NOD1: variants seen among roughly 807,000 people sequenced by gnomAD.
NOD1 encodes the protein nucleotide binding oligomerization domain containing 1, also known as nucleotide-binding oligomerization domain-containing protein 1.
Under a neutral mutation model 81.2 loss-of-function variants are expected in NOD1, and 70 were observed. The ratio of observed to expected loss-of-function variants is 0.86; its 90% CI spans 0.71 to 1.05. The LOEUF is 1.05. Ranked by LOEUF, NOD1 falls within the 50% of genes least tolerant of loss-of-function variation. NOD1 has a pLI of 0.00. For missense variants in NOD1, 1,233 were observed against 1,228.0 expected (o/e 1.00, Z -0.06); for synonymous variants, 508 against 526.9 (o/e 0.96, Z 0.49).
chr7:30,453,117 A>C, intron 5 of NOD1, 77 bp from the exon 6 acceptor site: 4 of 1,490,936 alleles, frequency 2.7e-6, no homozygotes, highest in South Asian at 1.3e-5. Context: ...GGAGGTCTCA[A>C]AGAGGAGAGG....
At chr7:30,453,324 C>T (rs1396236659) in intron 5 of NOD1, among the ~76,000 whole-genome samples, 1 of 152,104 alleles carries the variant, frequency 6.6e-6, no homozygotes, top group Non-Finnish European at 1.5e-5. Flanking sequence ...GACAGGCCAC[C>T]CTTATTCCTC....
intron 12 of NOD1, among the ~76,000 whole-genome samples, chr7:30,430,754 GCA>G (rs1391742240): frequency 2.0e-5 from 3 of 152,198 alleles, no homozygotes; most frequent in Non-Finnish European, 4.4e-5. Context: ...AGGGTATTAG[GCA>G]CAGTGTCCAG....
Position 30,452,179 on chromosome 7 carries a change from T to C in NOD1, c.1238A>G (p.Gln413Arg), listed in dbSNP as rs779311315. ...HFRAAFEGSP[Q>R]LPDCTMTLTD... is the part of the protein sequence containing the mutation. Reference sequence around the variant, plus strand: ...CAGGGTCATCGTGCAGTCGGGCAGCTGTGGTGAGCCTTCAAAGGCAGCACG... The same window carrying C: ...CAGGGTCATCGTGCAGTCGGGCAGCCGTGGTGAGCCTTCAAAGGCAGCACG... The change falls in exon 6 of 14, where the codon CAG (glutamine) becomes CGG (arginine). Residue 413 changes from glutamine to arginine, a missense_variant. Gln to Arg is a conservative substitution (Grantham distance 43). Transcript: ENST00000222823. The C allele has an allele frequency of 3.1e-6, 5 of 1,613,984 alleles. No homozygotes were observed. The South Asian group carries it at 3.3e-5, about 11-fold the overall frequency.
At chr7:30,468,029 G>T (rs961957241) in intron 1 of NOD1, among the ~76,000 whole-genome samples, 4 of 151,994 alleles carry the variant, frequency 2.6e-5, no homozygotes, top group Admixed American at 2.6e-4. Context: ...TTAGTAGAAG[G>T]CCATCAACTT....
At chr7:30,428,998 A>G (rs956095265) in intron 13 of NOD1, among the ~76,000 whole-genome samples, 3 of 152,224 alleles carry the variant, frequency 2.0e-5, no homozygotes, top group Non-Finnish European at 4.4e-5. Flanking sequence ...ATGAGCTCCA[A>G]ACTCCTGGCC....
At chr7:30,460,303 A>C (rs1786893332) in intron 1 of NOD1, 3 of 985,336 alleles carry the variant, frequency 3.0e-6, no homozygotes, top group African/African-American at 1.7e-5. Flanking sequence ...GAAACACCAG[A>C]CAGCCAGAGA....
At chr7:30,475,897 A>G (rs141260616) in intron 1 of NOD1, 1 of 152,336 alleles carries the variant, frequency 6.6e-6, no homozygotes, top group Non-Finnish European at 1.5e-5. Context: ...CTCAACGAGT[A>G]TTTGATGCGC....
chr7:30,451,568 G>A lies in NOD1; in HGVS notation c.1849C>T (p.Arg617Cys), dbSNP rs140167031. 511 of 1,613,508 alleles carry A rather than the reference G, an allele frequency of 3.2e-4. 1 individual carries two copies. Among genetic ancestry groups the A allele is most frequent in the Middle Eastern group, 4.9e-4 (3 of 6,062 alleles). ...LVPAAALRRK[R>C]KALWAHLFSS... ...AACAGGTGTGCCCACAGGGCCTTGC[G>A]CTTTCTCCTCAGGGCTGCCGCGGGC... The change falls in exon 6 of 14, where the codon CGC becomes TGC. Residue 617 changes from arginine (R) to cysteine (C), a missense_variant. Physicochemically the swap from Arg to Cys is radical, Grantham distance 180. Coordinates refer to ENST00000222823, the MANE Select transcript of NOD1 (RefSeq NM_006092.4). The surrounding 1 kb of genome is among the most constrained non-coding windows in gnomAD (Gnocchi z 4.2).
At chr7:30,426,017 C>T (rs1287877425) in intron 13 of NOD1, among the ~76,000 whole-genome samples, 2 of 152,056 alleles carry the variant, frequency 1.3e-5, no homozygotes, top group Non-Finnish European at 2.9e-5. Context: ...CCTCTCCTCT[C>T]CCTCCTTCTT....
In NOD1 at chr7:30,452,193, AAAGGCAGCACGG is replaced by A; in HGVS notation, c.1212_1223del (p.Arg405_Phe408del). On this transcript the variant is annotated inframe_deletion, in exon 6 of 14. Coordinates refer to ENST00000222823, the MANE Select transcript of NOD1 (RefSeq NM_006092.4). ...AGTCGGGCAGCTGTGGTGAGCCTTC[AAAGGCAGCACGG>A]AAGTGCTGGAAGCACCGGAAGATGA... 2 of 1,613,956 alleles carry A rather than the reference AAAGGCAGCACGG, an allele frequency of 1.2e-6. No individual in the cohort carries two copies.
intron 9 of NOD1, among the ~76,000 whole-genome samples, chr7:30,439,503 CT>C: frequency 7.6e-6 from 1 of 131,174 alleles, no homozygotes; most frequent in East Asian, 2.2e-4. Context: ...ACGGACGCAC[CT>C]GGAAAATCGG....
intron 12 of NOD1, among the ~76,000 whole-genome samples, chr7:30,430,102 C>T (rs1328140539): frequency 3.3e-5 from 5 of 152,148 alleles, no homozygotes; most frequent in African/African-American, 1.2e-4. Context: ...TCTGACGTCT[C>T]CTTCCAGGTA....
In NOD1 at chr7:30,470,002, A is replaced by G. The variant is rs1482921154; in HGVS notation, c.-352+8604T>C. ...TCTCCCTGCTGGGAAGGCCCATGGT[A>G]TTCTATCCCCGCCTCTCTCAGAGGG... On this transcript the variant is annotated intron_variant, in intron 1 of 13. Transcript: ENST00000222823. Among the ~76,000 whole-genome samples, 3 of 152,122 alleles carry G rather than the reference A, an allele frequency of 2.0e-5. No homozygotes were observed. In the East Asian group the frequency reaches 5.8e-4, roughly 29 times the overall value.
chr7:30,452,491 TG>T lies in NOD1; in HGVS notation c.925del (p.His309ThrfsTer67). On this transcript the variant is annotated frameshift_variant, in exon 6 of 14. Coordinates refer to ENST00000222823, the MANE Select transcript of NOD1 (RefSeq NM_006092.4). LOFTEE classifies it high-confidence loss of function. The part of the protein sequence containing the change: ...PDSSCPWEPA[H>X]PLVLLANLLS... ...CAGGTTGGCCAGCAAGACCAGGGGG[TG>T]GGCAGGCTCCCAGGGGCAGGAGCTG... The T allele has an allele frequency of 6.2e-7, 1 of 1,612,784 alleles. No individual in the cohort carries two copies.
In NOD1 at chr7:30,425,669, T is replaced by A; in HGVS notation, c.2831A>T (p.Tyr944Phe). 6.2e-7 allele frequency: 1 copy of A among 1,613,910 alleles called. No homozygotes were observed. The highest frequency in any genetic ancestry group is 8.5e-7 in the Non-Finnish European group (1 of 1,179,810). Residue 944 changes from tyrosine (Y) to phenylalanine (F), a missense_variant, in exon 14 of 14, where the codon TAT becomes TTT. Transcript: ENST00000222823. ...NLIKPEEAKV[Y>F]EDEKRIICF ...ACAGATAATCCGCTTCTCATCTTCA[T>A]AGACTTTGGCCTCCTCTGGTTTTAT...
intron 1 of NOD1, chr7:30,469,211 A>C (rs1788019755): frequency 1.0e-6 from 1 of 985,464 alleles, no homozygotes; most frequent in East Asian, 1.1e-4. Context: ...ATGCCAGAAC[A>C]CTATAGGCAG....
chr7:30,463,631 CTTCT>C (rs1053543925), intron 1 of NOD1: 7 of 152,596 alleles, frequency 4.6e-5, no homozygotes, highest in African/African-American at 1.7e-4. Context: ...TCACCGCAGG[CTTCT>C]TTCTTTCCTT....
At chr7:30,461,962 T>C (rs1787130738) in intron 1 of NOD1, among the ~76,000 whole-genome samples, 2 of 152,062 alleles carry the variant, frequency 1.3e-5, no homozygotes, top group South Asian at 4.1e-4. Context: ...ATGGTCTTGA[T>C]CTCCTGACCT....
chr7:30,474,084 A>G (rs1308470239), intron 1 of NOD1, among the ~76,000 whole-genome samples: 1 of 152,238 alleles, frequency 6.6e-6, no homozygotes, highest in African/African-American at 2.4e-5. Context: ...ATCAAGCCTC[A>G]AAGCAATCTT....
Sources: gnomAD v4.1 joint callset for allele counts (sites outside exome capture counted in the v4.1 genomes callset) on GRCh38, gnomAD v4.1.1 for gene constraint, Gnocchi (gnomAD v3.1) non-coding constraint, MANE v1.5 for transcripts, NCBI Gene and HGNC (gene_info 2026-07-23, HGNC 2026-07-21) for gene names.